The following NEGR1 variants were observed in gnomAD, a reference collection of about 807,000 sequenced individuals.
NEGR1 encodes the protein neuronal growth regulator 1.
A neutral mutation model predicts 40.9 loss-of-function variants in NEGR1; 10 were observed. That is an observed-to-expected ratio of 0.24 (90% CI 0.15 to 0.42). The LOEUF is 0.42. Among genes scored for constraint, NEGR1 ranks in the 10% least tolerant of loss-of-function variants. NEGR1 has a pLI of 1.00. For missense variants in NEGR1, 352 were observed against 438.9 expected (o/e 0.80, Z 1.77); for synonymous variants, 185 against 166.8 (o/e 1.11, Z -0.84).
intron 1 of NEGR1, among the ~76,000 whole-genome samples, chr1:72,224,676 T>A (rs1654118847): frequency 6.6e-6 from 1 of 152,042 alleles, no homozygotes. Context: ...AAAGTAGCTT[T>A]TCTTTAACTT....
chr1:71,594,260 T>C (rs896215324), intron 5 of NEGR1, among the ~76,000 whole-genome samples: 37 of 152,312 alleles, frequency 2.4e-4, no homozygotes, highest in Middle Eastern at 6.8e-3. Context: ...ACATAGGCTA[T>C]GTAAACTGAT....
chr1:72,109,461 T>A (rs369159521), intron 1 of NEGR1, among the ~76,000 whole-genome samples: 4 of 151,582 alleles, frequency 2.6e-5, no homozygotes, highest in South Asian at 4.1e-4. Flanking sequence ...TGTTAAAAAT[T>A]TTTCCTAAAA....
intron 3 of NEGR1, among the ~76,000 whole-genome samples, chr1:71,716,105 T>C (rs752517853): frequency 5.3e-5 from 8 of 152,158 alleles, no homozygotes; most frequent in Non-Finnish European, 1.0e-4. Context: ...GGAAGGCACC[T>C]CTTCACAGGG....
chr1:72,161,967 C>T (rs912700594), intron 1 of NEGR1, among the ~76,000 whole-genome samples: 11 of 151,846 alleles, frequency 7.2e-5, no homozygotes, highest in African/African-American at 2.7e-4. Flanking sequence ...GCTGGGATTA[C>T]AGGCATGAGC....
intron 5 of NEGR1, among the ~76,000 whole-genome samples, chr1:71,605,386 T>C (rs961766129): frequency 6.6e-6 from 1 of 152,110 alleles, no homozygotes; most frequent in Non-Finnish European, 1.5e-5. Flanking sequence ...TGAGGTAATC[T>C]AGAAAAAGAG....
intron 1 of NEGR1, chr1:72,275,239 AATG>A (rs1656007268): frequency 3.4e-6 from 2 of 579,764 alleles, no homozygotes; most frequent in Non-Finnish European, 6.1e-6. Flanking sequence ...ATTTATTCAT[AATG>A]ATCTTAAAAG....
intron 3 of NEGR1, among the ~76,000 whole-genome samples, chr1:71,753,140 C>T (rs191022368): frequency 1.6e-3 from 236 of 152,050 alleles, no homozygotes; most frequent in Admixed American, 4.5e-3. Flanking sequence ...AACATACTAC[C>T]TATAATATAG....
chr1:71,617,400 C>T (rs924325978), intron 4 of NEGR1, among the ~76,000 whole-genome samples: 1 of 152,198 alleles, frequency 6.6e-6, no homozygotes, highest in South Asian at 2.1e-4. Flanking sequence ...GTTGACAAGG[C>T]AACAATGCTT....
intron 6 of NEGR1, among the ~76,000 whole-genome samples, chr1:71,460,945 A>T (rs1416840352): frequency 6.6e-6 from 1 of 152,140 alleles, no homozygotes; most frequent in Non-Finnish European, 1.5e-5. Flanking sequence ...CAAAAAAAAA[A>T]CTTATCCCAC....
chr1:71,496,592 C>CT (rs34228522), intron 6 of NEGR1, among the ~76,000 whole-genome samples: 2 of 150,774 alleles, frequency 1.3e-5, no homozygotes, highest in African/African-American at 4.9e-5. Context: ...AGATTACATT[C>CT]TTTTTTTTTT....
intron 2 of NEGR1, among the ~76,000 whole-genome samples, chr1:71,908,929 T>A (rs902391199): frequency 1.3e-5 from 2 of 152,202 alleles, no homozygotes; most frequent in African/African-American, 4.8e-5. Context: ...CTGACTTATT[T>A]TCCCTTATTT....
intron 4 of NEGR1, among the ~76,000 whole-genome samples, chr1:71,615,272 C>T (rs1396243311): frequency 6.9e-6 from 1 of 144,038 alleles, no homozygotes; most frequent in African/African-American, 2.4e-5. Context: ...CATATTTTAT[C>T]AGGGATCACA....
chr1:72,022,114 G>T (rs1406253265), intron 1 of NEGR1, among the ~76,000 whole-genome samples: 1 of 151,904 alleles, frequency 6.6e-6, no homozygotes, highest in South Asian at 2.1e-4. Context: ...CAGCCTGGGT[G>T]ACAGAGGGAG....
chr1:71,884,226 G>GA (rs1553172365), intron 2 of NEGR1, among the ~76,000 whole-genome samples: 1 of 151,562 alleles, frequency 6.6e-6, no homozygotes, highest in Non-Finnish European at 1.5e-5. Flanking sequence ...AATTGTGTTT[G>GA]TTTTTTTTCC....
chr1:72,270,743 A>G (rs1655815060), intron 1 of NEGR1, among the ~76,000 whole-genome samples: 1 of 151,816 alleles, frequency 6.6e-6, no homozygotes, highest in Non-Finnish European at 1.5e-5. Flanking sequence ...ACCCAATTAT[A>G]GTGATCTCTC....
intron 4 of NEGR1, among the ~76,000 whole-genome samples, chr1:71,660,031 T>C (rs181695906): frequency 1.8e-4 from 27 of 152,302 alleles, no homozygotes; most frequent in Admixed American, 1.3e-3. Flanking sequence ...CACATGAATG[T>C]TCATAGCAGT....
At chr1:72,155,125 C>T (rs781440707) in intron 1 of NEGR1, among the ~76,000 whole-genome samples, 4 of 151,926 alleles carry the variant, frequency 2.6e-5, no homozygotes, top group Non-Finnish European at 5.9e-5. Context: ...ACCAGAAGTT[C>T]ATACATCTCA....
chr1:72,035,271 C>G (rs527635201), intron 1 of NEGR1, among the ~76,000 whole-genome samples: 22 of 152,268 alleles, frequency 1.4e-4, no homozygotes, highest in Non-Finnish European at 2.9e-4. Context: ...TTCTTTTTGT[C>G]TATTAAACTT....
intron 6 of NEGR1, among the ~76,000 whole-genome samples, chr1:71,568,802 ATG>A (rs10603050): frequency 0.62 from 92,244 of 148,470 alleles, 28,838 homozygotes; most frequent in Middle Eastern, 0.68. Context: ...TTTTATATGT[ATG>A]TGTGTGTATG....
Sources: gnomAD v4.1 joint callset for allele counts (sites outside exome capture counted in the v4.1 genomes callset) on GRCh38, gnomAD v4.1.1 for gene constraint, MANE v1.5 for transcripts, NCBI Gene and HGNC (gene_info 2026-07-23, HGNC 2026-07-21) for gene names.